PLAC8: variants seen among roughly 807,000 people sequenced by gnomAD.
The protein encoded by PLAC8 is placenta-specific gene 8 protein.
In PLAC8, 6 loss-of-function variants were observed where a neutral mutation model predicts 12.6. That is an observed-to-expected ratio of 0.48 (90% CI 0.26 to 0.94). The LOEUF is 0.94. Ranked by LOEUF, PLAC8 falls within the 40% of genes least tolerant of loss-of-function variation. The pLI is 0.14. For synonymous variants in PLAC8, 54 were observed against 52.6 expected (o/e 1.03, Z -0.11); for missense variants, 122 against 152.7 (o/e 0.80, Z 1.06).
At chr4:83,102,367 T>C (rs559719224) in intron 3 of PLAC8, among the ~76,000 whole-genome samples, 31 of 151,968 alleles carry the variant, frequency 2.0e-4, no homozygotes, top group Non-Finnish European at 4.0e-4. Context: ...AACCCATCTC[T>C]ACCAAAAAAT....
chr4:83,099,236 CTT>C (rs34231782), intron 3 of PLAC8, among the ~76,000 whole-genome samples: 32 of 147,282 alleles, frequency 2.2e-4, no homozygotes, highest in Non-Finnish European at 3.5e-4. Context: ...TCAGCTATAA[CTT>C]TTTTTTTTTT....
At chr4:83,101,839 A>G (rs2126141761) in intron 3 of PLAC8, among the ~76,000 whole-genome samples, 1 of 152,350 alleles carries the variant, frequency 6.6e-6, no homozygotes, top group East Asian at 1.9e-4. Context: ...AAAAATAATT[A>G]TGCTAAATCT....
intron 2 of PLAC8, among the ~76,000 whole-genome samples, chr4:83,107,505 C>T (rs1160996073): frequency 6.6e-6 from 1 of 151,642 alleles, no homozygotes; most frequent in Non-Finnish European, 1.5e-5. Context: ...TCAGGCCAGA[C>T]CTGCTCGTTG....
intron 3 of PLAC8, among the ~76,000 whole-genome samples, chr4:83,102,115 TAA>T (rs918809026): frequency 8.2e-5 from 12 of 145,654 alleles, no homozygotes; most frequent in African/African-American, 3.0e-4. Context: ...TCTTATTATT[TAA>T]AAAAAAAAAC....
intron 3 of PLAC8, among the ~76,000 whole-genome samples, chr4:83,095,027 C>A (rs747819902): frequency 1.3e-5 from 2 of 152,140 alleles, no homozygotes; most frequent in African/African-American, 2.4e-5. Context: ...ACCAAACTAT[C>A]AAGTATGAGA....
chr4:83,094,877 C>T (rs778350478), intron 3 of PLAC8, 86 bp from the exon 4 acceptor site: 2 of 664,238 alleles, frequency 3.0e-6, no homozygotes, highest in Non-Finnish European at 4.9e-6. Flanking sequence ...AAGCAGAAGG[C>T]ACTGATCTTT....
intron 2 of PLAC8, among the ~76,000 whole-genome samples, chr4:83,106,116 C>T (rs1328121722): frequency 1.3e-5 from 2 of 152,058 alleles, no homozygotes; most frequent in African/African-American, 4.8e-5. Flanking sequence ...TCTTCTGCCT[C>T]AGCCTCCCAA....
At position 83,094,779 on chromosome 4, in the gene PLAC8, C is replaced by A; in HGVS notation, c.256G>T (p.Asp86Tyr). The change falls in exon 4 of 5, where the codon GAT becomes TAT. Residue 86 changes from aspartate to tyrosine, a missense_variant. Coordinates refer to ENST00000311507, the MANE Select transcript of PLAC8 (RefSeq NM_016619.3). ...TRYGIPGSICDDYMATLCCPH... is the reference protein window; with the variant it reads ...TRYGIPGSICYDYMATLCCPH... Reference sequence around the variant, plus strand: ...CAGCAAAGAGTTGCCATATAGTCATCACAAATAGATCCCTGTTTGAAAACC... The same window carrying A: ...CAGCAAAGAGTTGCCATATAGTCATAACAAATAGATCCCTGTTTGAAAACC... The A allele has an allele frequency of 6.3e-7, 1 of 1,576,016 alleles. No individual in the cohort carries two copies. The highest frequency in any genetic ancestry group is 8.6e-7 in the Non-Finnish European group (1 of 1,160,992).
chr4:83,109,546 T>A (rs1732352435), intron 1 of PLAC8, among the ~76,000 whole-genome samples: 1 of 152,122 alleles, frequency 6.6e-6, no homozygotes. Context: ...GAGCCCCTGT[T>A]GAGGGGCAGA....
At chr4:83,108,543 G>A (rs1732318252) in intron 1 of PLAC8, among the ~76,000 whole-genome samples, 1 of 152,202 alleles carries the variant, frequency 6.6e-6, no homozygotes, top group Admixed American at 6.5e-5. Flanking sequence ...GCATTAAGCC[G>A]AGGTCATACT....
intron 3 of PLAC8, among the ~76,000 whole-genome samples, chr4:83,101,625 A>G (rs1732104732): frequency 6.6e-6 from 1 of 152,270 alleles, no homozygotes; most frequent in Non-Finnish European, 1.5e-5. Context: ...TTATTGGAAG[A>G]AGATGCCATC....
intron 2 of PLAC8, among the ~76,000 whole-genome samples, chr4:83,106,482 G>A (rs1732243382): frequency 2.0e-5 from 3 of 151,882 alleles, no homozygotes; most frequent in African/African-American, 7.3e-5. Context: ...GCTGGGTGTG[G>A]TTGTGCGTGC....
intron 1 of PLAC8, among the ~76,000 whole-genome samples, chr4:83,110,509 G>T (rs1732400687): frequency 6.6e-6 from 1 of 152,220 alleles, no homozygotes; most frequent in African/African-American, 2.4e-5. Context: ...GGGATTTTGT[G>T]GGCCAAGTTC....
intron 1 of PLAC8, among the ~76,000 whole-genome samples, chr4:83,112,709 T>G (rs1440533839): frequency 1.3e-5 from 2 of 152,204 alleles, no homozygotes; most frequent in Non-Finnish European, 2.9e-5. Context: ...GCAAACACAC[T>G]CATTTGTACG....
intron 2 of PLAC8, among the ~76,000 whole-genome samples, chr4:83,107,369 A>G (rs1234768825): frequency 3.9e-5 from 6 of 152,054 alleles, no homozygotes; most frequent in African/African-American, 9.7e-5. Context: ...CCATGAATCT[A>G]ACCCTTGGGT....
chr4:83,112,719 G>T (rs1374742584), intron 1 of PLAC8, among the ~76,000 whole-genome samples: 1 of 152,178 alleles, frequency 6.6e-6, no homozygotes, highest in Admixed American at 6.5e-5. Flanking sequence ...TCATTTGTAC[G>T]CGCCTCTGTG....
chr4:83,101,605 T>C (rs1441687125), intron 3 of PLAC8, among the ~76,000 whole-genome samples: 1 of 152,156 alleles, frequency 6.6e-6, no homozygotes, highest in Non-Finnish European at 1.5e-5. Context: ...TCAATGAAAA[T>C]GAAACAGCCT....
chr4:83,104,931 T>C lies in PLAC8; in HGVS notation c.208A>G (p.Met70Val). The C allele has an allele frequency of 1.2e-6, 2 of 1,614,154 alleles. No individual in the cohort carries two copies. Among genetic ancestry groups the C allele is most frequent in the Non-Finnish European group, 1.7e-6 (2 of 1,180,008 alleles). Residue 70 changes from methionine to valine, a missense_variant, in exon 3 of 5, where the codon ATG becomes GTG. Coordinates refer to ENST00000311507, the MANE Select transcript of PLAC8 (RefSeq NM_016619.3). ...TATCGGGTCCTGTAGAGAGTCCTCA[T>C]TGCGACGCTTGTTCCACACAGACAG... is the stretch of plus-strand genomic sequence containing the variant. The part of the protein sequence containing the change: ...ECCLCGTSVA[M>V]RTLYRTRYGI...
At chr4:83,094,406 C>T (rs1731877470) in intron 4 of PLAC8, 1 of 268,476 alleles carries the variant, frequency 3.7e-6, no homozygotes, top group East Asian at 9.5e-5. Flanking sequence ...TGGTATTTTA[C>T]AAGTGGTAAG....
Sources: allele counts gnomAD v4.1 joint callset (sites outside exome capture counted in the v4.1 genomes callset), GRCh38; gene constraint gnomAD v4.1.1; transcripts MANE v1.5; gene names NCBI Gene and HGNC (gene_info 2026-07-23, HGNC 2026-07-21).